The following SNX10 variants were observed in gnomAD, a reference collection of about 807,000 sequenced individuals.
The protein encoded by SNX10 is sorting nexin 10.
SNX10 carries 25 observed loss-of-function variants against 28.5 expected under a neutral mutation model. That is an observed-to-expected ratio of 0.88 (90% CI 0.64 to 1.22). The LOEUF is 1.22. Among genes scored for constraint, SNX10 ranks in the 50% most tolerant of loss-of-function variants. The pLI is 0.00. For missense variants in SNX10, 223 were observed against 242.6 expected (o/e 0.92, Z 0.54); for synonymous variants, 62 against 81.4 (o/e 0.76, Z 1.28).
At chr7:26,318,398 C>G (rs1444705750) in intron 1 of SNX10, among the ~76,000 whole-genome samples, 1 of 152,084 alleles carries the variant, frequency 6.6e-6, no homozygotes, top group African/African-American at 2.4e-5. Flanking sequence ...GTTTTTTACA[C>G]CTTCCATTGT....
At chr7:26,317,824 A>G (rs1011059156) in intron 1 of SNX10, among the ~76,000 whole-genome samples, 30 of 151,988 alleles carry the variant, frequency 2.0e-4, no homozygotes, top group African/African-American at 7.0e-4. Flanking sequence ...TACCACGCCC[A>G]GCTAATTTTT....
chr7:26,348,017 C>T (rs933355852), intron 2 of SNX10, among the ~76,000 whole-genome samples: 1 of 152,174 alleles, frequency 6.6e-6, no homozygotes. Context: ...TGGCTTCAAG[C>T]AGTCCTCCTG....
Position 26,300,389 on chromosome 7 carries a change from A to G in SNX10, c.-24+8303A>G, listed in dbSNP as rs551310753. On this transcript the variant is annotated intron_variant, in intron 1 of 6. Coordinates refer to ENST00000338523, the MANE Select transcript of SNX10 (RefSeq NM_013322.3). Reference sequence around the variant, plus strand: ...ATTACAGGCATGAGCCACTACATCTAGCCCTAAATCTTTTATTTTTAAAGA... The same window carrying G: ...ATTACAGGCATGAGCCACTACATCTGGCCCTAAATCTTTTATTTTTAAAGA... Among the ~76,000 whole-genome samples the G allele has an allele frequency of 4.6e-5, 7 of 152,258 alleles. No homozygotes were observed. The South Asian group carries it at 1.5e-3, about 32-fold the overall frequency.
intron 1 of SNX10, among the ~76,000 whole-genome samples, chr7:26,301,540 C>T (rs1786367692): frequency 6.6e-6 from 1 of 152,172 alleles, no homozygotes; most frequent in African/African-American, 2.4e-5. Flanking sequence ...ACAGACTTCA[C>T]CCAGGACAAG....
Position 26,364,974 on chromosome 7 carries a change from A to C in SNX10, c.213-73A>C, listed in dbSNP as rs957690543. ...TAATCATCATACATAATTTGCCTTC[A>C]CTTTGAGGGATTTCTGTAACAGAAG... is the stretch of plus-strand genomic sequence containing the variant. On this transcript the variant is annotated intron_variant, in intron 4 of 6. Transcript: ENST00000338523. The surrounding 1 kb of genome is among the most constrained non-coding windows in gnomAD (Gnocchi z 4.9). 6 of 884,758 alleles carry C rather than the reference A, an allele frequency of 6.8e-6. No individual in the cohort carries two copies. The highest frequency in any genetic ancestry group is 1.1e-5 in the Non-Finnish European group (6 of 531,426). 54.8% of individuals were successfully genotyped at this position (884,758 alleles called of 1,614,324 possible). A position where few individuals can be genotyped will look rare whatever the true frequency, so the allele number is the denominator to read the frequency against.
chr7:26,356,827 C>G (rs1385938996), intron 2 of SNX10, among the ~76,000 whole-genome samples: 1 of 152,072 alleles, frequency 6.6e-6, no homozygotes, highest in African/African-American at 2.4e-5. Flanking sequence ...CTCTTGGATC[C>G]TTATGCTGTT....
rs1170580982 is a variant in SNX10, at chr7:26,339,912, C to A, written c.-23-6508C>A. Among the ~76,000 whole-genome samples, 3 of 148,568 alleles carry A rather than the reference C, an allele frequency of 2.0e-5. No individual in the cohort carries two copies. In the Admixed American group the frequency reaches 2.0e-4, roughly 10 times the overall value. On this transcript the variant is annotated intron_variant, in intron 1 of 6. Transcript: ENST00000338523. ...TTGATCTTGCCAAAAGAAAAAGTTA[C>A]AAAAAATTTTGTTTAAAAATTAAAT...
intron 1 of SNX10, among the ~76,000 whole-genome samples, chr7:26,295,761 G>T (rs1052084004): frequency 6.6e-6 from 1 of 152,208 alleles, no homozygotes; most frequent in South Asian, 2.1e-4. Context: ...ATACGACATC[G>T]TTTGGCATGT....
chr7:26,372,778 A>G lies in SNX10; in HGVS notation c.*206A>G. The G allele has an allele frequency of 2.0e-6, 1 of 493,952 alleles. No individual in the cohort carries two copies. Among genetic ancestry groups the G allele is most frequent in the East Asian group, 3.2e-5 (1 of 31,528 alleles). The allele number at this position is 493,952 out of a possible 1,614,324, so 30.6% of individuals were successfully genotyped here. Reference sequence around the variant, plus strand: ...TCTGTGTAAAGCTAAAAATCCTGTGAATACAATACTATCCTTTACAGGCAG... The same window carrying G: ...TCTGTGTAAAGCTAAAAATCCTGTGGATACAATACTATCCTTTACAGGCAG... On this transcript the variant is annotated 3_prime_UTR_variant, in exon 7 of 7. Coordinates refer to ENST00000338523, the MANE Select transcript of SNX10 (RefSeq NM_013322.3).
intron 1 of SNX10, among the ~76,000 whole-genome samples, chr7:26,322,249 A>G (rs990127310): frequency 6.6e-6 from 1 of 152,218 alleles, no homozygotes; most frequent in African/African-American, 2.4e-5. Context: ...TTGGATTACT[A>G]AAATGTAAAA....
chr7:26,313,561 A>G (rs1436878635), intron 1 of SNX10, among the ~76,000 whole-genome samples: 2 of 152,152 alleles, frequency 1.3e-5, no homozygotes, highest in Non-Finnish European at 2.9e-5. Flanking sequence ...GCCTGTTAAC[A>G]AAGGGTTAAA....
chr7:26,319,931 A>G (rs905784185), intron 1 of SNX10, among the ~76,000 whole-genome samples: 14 of 151,452 alleles, frequency 9.2e-5, no homozygotes, highest in African/African-American at 2.7e-4. Flanking sequence ...TTATATATCT[A>G]TATGTATATA....
At chr7:26,358,373 A>G (rs6461932) in intron 2 of SNX10, among the ~76,000 whole-genome samples, 25,302 of 152,172 alleles carry the variant, frequency 0.17, 2,344 homozygotes, top group South Asian at 0.36. Context: ...AATCCCTCTT[A>G]TAATTTAGAA....
In SNX10 at chr7:26,339,850, C is replaced by CTT. The variant is rs34466986; in HGVS notation, c.-23-6555_-23-6554dup. On this transcript the variant is annotated intron_variant, in intron 1 of 6. Transcript: ENST00000338523. ...GCGTGAGTCACCCCACCTGGCCGAT[C>CTT]TTTTTTTTTTTTTTTTAAATAGTTG... 3.2e-3 allele frequency among the ~76,000 whole-genome samples: 449 copies of CTT among 140,340 alleles called. 2 individuals carry two copies. Among genetic ancestry groups the CTT allele is most frequent in the African/African-American group, 9.7e-3 (372 of 38,300 alleles). 92.1% of individuals were successfully genotyped at this position (140,340 alleles called of 152,430 possible).
chr7:26,360,283 C>T (rs1043762756), intron 2 of SNX10, among the ~76,000 whole-genome samples: 3 of 151,984 alleles, frequency 2.0e-5, no homozygotes, highest in African/African-American at 7.3e-5. Context: ...TACAGGGTCT[C>T]GCTCTTTTGC....
intron 1 of SNX10, among the ~76,000 whole-genome samples, chr7:26,339,585 A>C (rs1325619151): frequency 7.2e-6 from 1 of 139,460 alleles, no homozygotes; most frequent in African/African-American, 2.8e-5. Context: ...GTTGGAGTGC[A>C]GTGGCATGAT....
intron 1 of SNX10, among the ~76,000 whole-genome samples, chr7:26,310,876 C>G (rs1786813548): frequency 2.0e-5 from 3 of 151,738 alleles, no homozygotes; most frequent in South Asian, 2.1e-4. Context: ...GTAGAGATGG[C>G]GTTTCACCGT....
In SNX10 at chr7:26,291,914, C is replaced by CGCGGGGAGCGCGGGGAGCGCGGGGAG. The variant is rs1562775883; in HGVS notation, c.-196_-195insGCGGGGAGCGCGGGGAGCGCGGGGAG. ...GCTGGCGCTGAGCGCGGGCGCGGGGCCGCTACGTGCGCGGGGAGCGCGGGG... is the reference window on the plus strand; with the variant it reads ...GCTGGCGCTGAGCGCGGGCGCGGGGCGCGGGGAGCGCGGGGAGCGCGGGGAGCGCTACGTGCGCGGGGAGCGCGGGG... On this transcript the variant is annotated 5_prime_UTR_variant, in exon 1 of 7. Coordinates refer to ENST00000338523, the MANE Select transcript of SNX10 (RefSeq NM_013322.3). 7.2e-6 allele frequency: 1 copy of CGCGGGGAGCGCGGGGAGCGCGGGGAG among 137,962 alleles called. No individual in the cohort carries two copies. Among genetic ancestry groups the CGCGGGGAGCGCGGGGAGCGCGGGGAG allele is most frequent in the Non-Finnish European group, 1.6e-5 (1 of 61,832 alleles). 8.5% of individuals were successfully genotyped at this position (137,962 alleles called of 1,614,324 possible).
At chr7:26,297,326 C>T (rs965267950) in intron 1 of SNX10, among the ~76,000 whole-genome samples, 1 of 152,172 alleles carries the variant, frequency 6.6e-6, no homozygotes, top group Non-Finnish European at 1.5e-5. Context: ...GAACTCCTGA[C>T]CTCGTGACCC....
Sources: allele counts gnomAD v4.1 joint callset (sites outside exome capture counted in the v4.1 genomes callset), GRCh38; gene constraint gnomAD v4.1.1; non-coding constraint Gnocchi (gnomAD v3.1); transcripts MANE v1.5; gene names NCBI Gene and HGNC (gene_info 2026-07-23, HGNC 2026-07-21).